The following ACTN1 variants were observed in gnomAD, a reference collection of about 807,000 sequenced individuals.
ACTN1 encodes the protein alpha-actinin-1.
Under a neutral mutation model 119.6 loss-of-function variants are expected in ACTN1, and 30 were observed. The ratio of observed to expected loss-of-function variants is 0.25; its 90% CI spans 0.19 to 0.34. The LOEUF is 0.34. ACTN1 is among the 10% of genes least tolerant of loss of function. The pLI, the probability that ACTN1 is intolerant of heterozygous loss-of-function variation, is 1.00. For missense variants in ACTN1, 764 were observed against 1,223.4 expected (o/e 0.62, Z 5.60); for synonymous variants, 429 against 472.6 (o/e 0.91, Z 1.20).
rs2031617527 is a variant in ACTN1, at chr14:68,882,338, G to A, written c.1953+120C>T. ...TTCTACAGAACAGCAGACCCACGGT[G>A]GGCTCCGGGCCTCAGTCCTCCATGG... On this transcript the variant is annotated intron_variant, in intron 16 of 21. Coordinates refer to ENST00000394419, the MANE Select transcript of ACTN1 (RefSeq NM_001130004.2). This position sits in a 1 kb window ranked among gnomAD's most constrained non-coding sequence, Gnocchi z 4.5. The A allele has an allele frequency of 2.0e-5, 28 of 1,389,056 alleles. 1 individual carries two copies. The highest frequency in any genetic ancestry group is 8.6e-5 in the Admixed American group (4 of 46,650). 86.0% of individuals were successfully genotyped at this position (1,389,056 alleles called of 1,614,324 possible).
intron 8 of ACTN1, among the ~76,000 whole-genome samples, chr14:68,899,478 A>C (rs890591748): frequency 1.4e-5 from 2 of 138,374 alleles, no homozygotes; most frequent in Non-Finnish European, 3.1e-5. Flanking sequence ...TACACACACC[A>C]CACTCCCCAT....
intron 1 of ACTN1, among the ~76,000 whole-genome samples, chr14:68,929,744 C>G (rs1254313128): frequency 1.3e-5 from 2 of 152,218 alleles, no homozygotes; most frequent in Non-Finnish European, 2.9e-5. Flanking sequence ...TGCCCCGGCC[C>G]TGCAGAGTCT....
At chr14:68,974,545 TACA>T (rs1332058627) in intron 1 of ACTN1, among the ~76,000 whole-genome samples, 2 of 147,502 alleles carry the variant, frequency 1.4e-5, no homozygotes, top group East Asian at 3.9e-4. Flanking sequence ...ACCTCTGTCC[TACA>T]ACATCACACA....
intron 1 of ACTN1, among the ~76,000 whole-genome samples, chr14:68,939,892 T>C (rs2035706699): frequency 1.3e-5 from 2 of 152,150 alleles, no homozygotes; most frequent in African/African-American, 2.4e-5. Flanking sequence ...ATTTGGCCCA[T>C]TGGAAAGAAA....
chr14:68,942,077 A>T, intron 1 of ACTN1, among the ~76,000 whole-genome samples: 1 of 152,202 alleles, frequency 6.6e-6, no homozygotes, highest in Admixed American at 6.5e-5. Context: ...CAACAAGTTC[A>T]GCAACTGTGG....
At chr14:68,930,689 C>T (rs2035184290) in intron 1 of ACTN1, among the ~76,000 whole-genome samples, 1 of 152,180 alleles carries the variant, frequency 6.6e-6, no homozygotes, top group Non-Finnish European at 1.5e-5. Context: ...AAACCCTGGA[C>T]AAGTGACTTG....
Position 68,882,578 on chromosome 14 carries a change from C to A in ACTN1, c.1833G>T (p.Val611=). 1 of 1,614,178 alleles carries A rather than the reference C, an allele frequency of 6.2e-7. No individual in the cohort carries two copies. The highest frequency in any genetic ancestry group is 1.1e-5 in the South Asian group (1 of 91,090). Residue 611 remains valine, a synonymous_variant, in exon 16 of 22, where the codon GTG becomes GTT. Transcript: ENST00000394419. The surrounding 1 kb of genome is among the most constrained non-coding windows in gnomAD (Gnocchi z 4.5). ...NGKWDHVRQL[V]PRRDQALTEE... ...CCGTCAGAGCTTGGTCCCTCCGAGG[C>A]ACCAGCTGCCGCACCTGGGGCAGGA...
intron 1 of ACTN1, among the ~76,000 whole-genome samples, chr14:68,928,444 A>T (rs1269328122): frequency 1.3e-5 from 2 of 152,104 alleles, no homozygotes; most frequent in African/African-American, 2.4e-5. Context: ...AACAAGCAGC[A>T]GCCACCGCAA....
rs2037133930 is a variant in ACTN1, at chr14:68,978,158, A to G, written c.105+794T>C. On this transcript the variant is annotated intron_variant, in intron 1 of 21. Coordinates refer to ENST00000394419, the MANE Select transcript of ACTN1 (RefSeq NM_001130004.2). ...TAGGGATCCCCAGTGACTGGCCCCA[A>G]ATATCCCCTAAGACTGACCCTCGTT... The G allele has an allele frequency of 2.2e-5, 10 of 456,060 alleles. 1 individual carries two copies. The highest frequency in any genetic ancestry group is 1.5e-4 in the South Asian group (10 of 64,528). 28.3% of individuals were successfully genotyped at this position (456,060 alleles called of 1,614,324 possible).
intron 2 of ACTN1, chr14:68,921,445 AAC>A (rs1318082103): frequency 3.8e-5 from 8 of 210,212 alleles, no homozygotes; most frequent in East Asian, 1.2e-4. Context: ...GGGTGAACAA[AAC>A]AGTTTCTTGC....
chr14:68,876,156 C>T (rs1394684712), intron 21 of ACTN1, among the ~76,000 whole-genome samples: 2 of 152,102 alleles, frequency 1.3e-5, no homozygotes, highest in East Asian at 1.9e-4. Context: ...GCCACCACGC[C>T]CGGTTAATTT....
intron 3 of ACTN1, among the ~76,000 whole-genome samples, chr14:68,913,287 T>C (rs2034107535): frequency 6.6e-6 from 1 of 152,240 alleles, no homozygotes; most frequent in Non-Finnish European, 1.5e-5. Flanking sequence ...GAACAAGTGA[T>C]ACTCAAATGT....
chr14:68,938,251 G>A (rs1055739435), intron 1 of ACTN1, among the ~76,000 whole-genome samples: 6 of 152,170 alleles, frequency 3.9e-5, no homozygotes, highest in African/African-American at 1.2e-4. Context: ...TGCTGAAAAA[G>A]CTGACAACCA....
At chr14:68,951,595 G>A (rs745349026) in intron 1 of ACTN1, among the ~76,000 whole-genome samples, 4 of 152,146 alleles carry the variant, frequency 2.6e-5, no homozygotes, top group Non-Finnish European at 2.9e-5. Flanking sequence ...CAACTCTAAC[G>A]TGAAGGTGAT....
intron 6 of ACTN1, among the ~76,000 whole-genome samples, chr14:68,905,457 C>T (rs1402979710): frequency 6.6e-6 from 1 of 152,172 alleles, no homozygotes; most frequent in African/African-American, 2.4e-5. Flanking sequence ...GGGAGATACT[C>T]AAAAGAATTG....
chr14:68,977,658 T>G (rs2037104298), intron 1 of ACTN1: 1 of 292,596 alleles, frequency 3.4e-6, no homozygotes, highest in African/African-American at 2.3e-5. Flanking sequence ...TGCCTTTGGC[T>G]GAAAAAAAAA....
At chr14:68,898,192 C>CT in intron 8 of ACTN1, among the ~76,000 whole-genome samples, 1 of 152,344 alleles carries the variant, frequency 6.6e-6, no homozygotes, top group Middle Eastern at 3.4e-3. Flanking sequence ...TTCAAGTGTT[C>CT]TTTCTCAGAA....
intron 1 of ACTN1, among the ~76,000 whole-genome samples, chr14:68,948,679 AAAAGCCAGGAGTTCTCC>A (rs2036025980): frequency 6.6e-6 from 1 of 152,240 alleles, no homozygotes; most frequent in Non-Finnish European, 1.5e-5. Flanking sequence ...GCCCCAAACC[AAAAGCCAGGAGTTCTCC>A]AATGCCAAAT....
At chr14:68,939,288 C>T (rs114310834) in intron 1 of ACTN1, among the ~76,000 whole-genome samples, 1 of 152,198 alleles carries the variant, frequency 6.6e-6, no homozygotes, top group Admixed American at 6.5e-5. Flanking sequence ...CAATCTGTCA[C>T]CATCCACAGC....
Sources: allele counts gnomAD v4.1 joint callset (sites outside exome capture counted in the v4.1 genomes callset), GRCh38; gene constraint gnomAD v4.1.1; non-coding constraint Gnocchi (gnomAD v3.1); transcripts MANE v1.5; gene names NCBI Gene and HGNC (gene_info 2026-07-23, HGNC 2026-07-21).